The following PLXNA2 variants were observed in gnomAD, a reference collection of about 807,000 sequenced individuals.
PLXNA2 encodes plexin-A2.
In PLXNA2, 91 loss-of-function variants were observed where a neutral mutation model predicts 193.5. The observed-to-expected ratio is 0.47, with a 90% CI of 0.40 to 0.56. The LOEUF (loss-of-function observed/expected upper bound fraction) is 0.56. Ranked by LOEUF, PLXNA2 falls within the 20% of genes least tolerant of loss-of-function variation. The pLI is 0.00. For synonymous variants in PLXNA2, 997 were observed against 1,027.3 expected (o/e 0.97, Z 0.56); for missense variants, 1,995 against 2,503.2 (o/e 0.80, Z 4.33).
intron 3 of PLXNA2, among the ~76,000 whole-genome samples, chr1:208,191,123 G>A (rs1670163800): frequency 6.6e-6 from 1 of 152,206 alleles, no homozygotes; most frequent in Non-Finnish European, 1.5e-5. Context: ...TGTATGAGAT[G>A]TGACTGCCTG....
At position 208,243,285 on chromosome 1, in the gene PLXNA2, C is replaced by T. The variant is rs368097090; in HGVS notation, c.-81+358G>A. On this transcript the variant is annotated intron_variant, in intron 1 of 31. Coordinates refer to ENST00000367033, the MANE Select transcript of PLXNA2 (RefSeq NM_025179.4). ...CTTTGGGCTCCAGCTCTCAGGACAG[C>T]CTTGCCGCCCCGAGCTCCCCAAAGC... 5.1e-4 allele frequency among the ~76,000 whole-genome samples: 78 copies of T among 152,212 alleles called. 1 individual carries two copies. The South Asian group carries it at 0.016, about 32-fold the overall frequency.
intron 12 of PLXNA2, among the ~76,000 whole-genome samples, chr1:208,062,061 G>A (rs945439346): frequency 1.3e-5 from 2 of 152,130 alleles, no homozygotes; most frequent in African/African-American, 4.8e-5. Context: ...CAGGATGGAT[G>A]AAGGAAGGAG....
chr1:208,110,907 G>A (rs910911264), intron 4 of PLXNA2, among the ~76,000 whole-genome samples: 5 of 152,166 alleles, frequency 3.3e-5, no homozygotes, highest in Non-Finnish European at 5.9e-5. Flanking sequence ...AGGTTCACCC[G>A]CCTGACCACT....
rs1406157208 is a variant in PLXNA2, at chr1:208,142,294, G to A, written c.1506+35C>T. Reference sequence around the variant, plus strand: ...GTGACAGATTATCAGCAGTTTCTTGGAGTTTGGAAAGCAGAGATGGATGTT... The same window carrying A: ...GTGACAGATTATCAGCAGTTTCTTGAAGTTTGGAAAGCAGAGATGGATGTT... On this transcript the variant is annotated intron_variant, in intron 4 of 31. Transcript: ENST00000367033. The A allele has an allele frequency of 7.7e-6, 12 of 1,556,536 alleles. No homozygotes were observed. In the South Asian group the frequency reaches 1.5e-4, roughly 19 times the overall value.
In PLXNA2 at chr1:208,027,149, G is replaced by T; in HGVS notation, c.*94C>A. 8.7e-7 allele frequency: 1 copy of T among 1,145,416 alleles called. No homozygotes were observed. Among genetic ancestry groups the T allele is most frequent in the Non-Finnish European group, 1.3e-6 (1 of 772,994 alleles). 71.0% of individuals were successfully genotyped at this position (1,145,416 alleles called of 1,614,324 possible). ...GGGGTCTCAGGGGACAGCAAGCTCTGGGGCCTGATCCCCATCACTTGTCCT... is the reference window on the plus strand; with the variant it reads ...GGGGTCTCAGGGGACAGCAAGCTCTTGGGCCTGATCCCCATCACTTGTCCT... On this transcript the variant is annotated 3_prime_UTR_variant, in exon 32 of 32. Coordinates refer to ENST00000367033, the MANE Select transcript of PLXNA2 (RefSeq NM_025179.4).
At chr1:208,186,492 T>C (rs1047404090) in intron 3 of PLXNA2, among the ~76,000 whole-genome samples, 3 of 152,176 alleles carry the variant, frequency 2.0e-5, no homozygotes, top group Admixed American at 2.0e-4. Context: ...TTTTGTATTC[T>C]CTCTTTTTAA....
At chr1:208,114,840 G>A (rs1002263647) in intron 4 of PLXNA2, among the ~76,000 whole-genome samples, 5 of 152,188 alleles carry the variant, frequency 3.3e-5, no homozygotes, top group African/African-American at 1.2e-4. Context: ...GTATGTGTGT[G>A]AAAGAGAGAG....
chr1:208,041,404 G>C (rs1396736790), intron 22 of PLXNA2, among the ~76,000 whole-genome samples: 1 of 152,142 alleles, frequency 6.6e-6, no homozygotes, highest in South Asian at 2.1e-4. Context: ...CCTCTCCCCT[G>C]CCAGGAAAAA....
chr1:208,132,171 C>T (rs1044001437), intron 4 of PLXNA2, among the ~76,000 whole-genome samples: 1 of 152,284 alleles, frequency 6.6e-6, no homozygotes, highest in South Asian at 2.1e-4. Context: ...CGGGGCAGTG[C>T]TTGCTTTCCT....
intron 4 of PLXNA2, among the ~76,000 whole-genome samples, chr1:208,124,338 A>T (rs1667895230): frequency 6.6e-6 from 1 of 152,198 alleles, no homozygotes; most frequent in African/African-American, 2.4e-5. Flanking sequence ...TACCTAAATA[A>T]CAAACCTGCA....
chr1:208,154,499 C>T (rs1668877864), intron 3 of PLXNA2, among the ~76,000 whole-genome samples: 1 of 152,192 alleles, frequency 6.6e-6, no homozygotes, highest in Non-Finnish European at 1.5e-5. Context: ...CAAAAAGTGG[C>T]AGTGGCTGCA....
chr1:208,058,046 C>T (rs1665496641), intron 13 of PLXNA2, among the ~76,000 whole-genome samples: 2 of 152,202 alleles, frequency 1.3e-5, no homozygotes, highest in South Asian at 4.1e-4. Flanking sequence ...GGAATGCAAC[C>T]CAGTACCCTT....
intron 3 of PLXNA2, among the ~76,000 whole-genome samples, chr1:208,162,844 C>CCAAAGTCT (rs1422757570): frequency 6.6e-6 from 1 of 152,122 alleles, no homozygotes; most frequent in Non-Finnish European, 1.5e-5. Flanking sequence ...TAATCCCACT[C>CCAAAGTCT]CAAAGTCTGT....
intron 3 of PLXNA2, among the ~76,000 whole-genome samples, chr1:208,152,708 CACACACACA>C (rs1668806083): frequency 6.6e-6 from 1 of 151,828 alleles, no homozygotes; most frequent in African/African-American, 2.4e-5. Context: ...CACACACACA[CACACACACA>C]CCACCTTCAA....
intron 1 of PLXNA2, among the ~76,000 whole-genome samples, chr1:208,243,020 G>A (rs1374908733): frequency 6.6e-6 from 1 of 152,152 alleles, no homozygotes; most frequent in African/African-American, 2.4e-5. Context: ...CCTGCTGGGC[G>A]ATACACCGCA....
At chr1:208,056,762 A>G (rs1665444957) in intron 13 of PLXNA2, among the ~76,000 whole-genome samples, 1 of 152,210 alleles carries the variant, frequency 6.6e-6, no homozygotes, top group Admixed American at 6.5e-5. Flanking sequence ...AGCTGGCCAT[A>G]GGTCTCTTTC....
chr1:208,240,851 TGGAGACAGCTGTGTGGCAATGCAG>T (rs1333376461), intron 1 of PLXNA2, among the ~76,000 whole-genome samples: 1 of 151,910 alleles, frequency 6.6e-6, no homozygotes, highest in Non-Finnish European at 1.5e-5. Flanking sequence ...TTCGTGTGTG[TGGAGACAGCTGTGTGGCAATGCAG>T]GGAGACAGCT....
At chr1:208,097,495 G>A (rs189536689) in intron 6 of PLXNA2, among the ~76,000 whole-genome samples, 2 of 152,188 alleles carry the variant, frequency 1.3e-5, no homozygotes, top group Non-Finnish European at 2.9e-5. Context: ...AAGGAGCTCA[G>A]GGGATCAGAG....
intron 4 of PLXNA2, among the ~76,000 whole-genome samples, chr1:208,107,845 C>T (rs921619873): frequency 1.3e-5 from 2 of 152,228 alleles, no homozygotes; most frequent in African/African-American, 4.8e-5. Context: ...GGCCCTTCTC[C>T]TGCCCCCTAT....
Sources: allele counts gnomAD v4.1 joint callset (sites outside exome capture counted in the v4.1 genomes callset), GRCh38; gene constraint gnomAD v4.1.1; transcripts MANE v1.5; gene names NCBI Gene and HGNC (gene_info 2026-07-23, HGNC 2026-07-21).